The following PHF24 variants were observed in gnomAD, a reference collection of about 807,000 sequenced individuals.
PHF24 encodes PHD finger protein 24, also known as Galpha inhibitory interacting protein.
A neutral mutation model predicts 42.6 loss-of-function variants in PHF24; 25 were observed. The observed-to-expected ratio is 0.59, with a 90% CI of 0.43 to 0.82. PHF24 has a LOEUF of 0.82. Among genes scored for constraint, PHF24 ranks in the 40% least tolerant of loss-of-function variants. The pLI, the probability that PHF24 is intolerant of heterozygous loss-of-function variation, is 0.00. For missense variants in PHF24, 470 were observed against 538.1 expected, an observed-to-expected ratio of 0.87 and a Z score of 1.25; for synonymous variants, 185 against 204.8, an observed-to-expected ratio of 0.90 and a Z score of 0.83.
At chr9:34,892,062 A>C in the PHF24 span, among the ~76,000 whole-genome samples, 1 of 152,210 alleles carries the variant, frequency 6.6e-6, no homozygotes, top group Admixed American at 6.5e-5. Context: ...AAGTCAGACC[A>C]GGGATCTCTA....
upstream of PHF24, among the ~76,000 whole-genome samples, chr9:34,953,748 C>G (rs1352801668): frequency 2.0e-5 from 3 of 151,992 alleles, no homozygotes; most frequent in Non-Finnish European, 4.4e-5. The surrounding 1 kb of genome is among the most constrained non-coding windows in gnomAD (Gnocchi z 4.1). Context: ...AGTTTGAGAT[C>G]AGCCTGGGCA....
At chr9:34,848,570 T>G in the PHF24 span, among the ~76,000 whole-genome samples, 1 of 152,072 alleles carries the variant, frequency 6.6e-6, no homozygotes, top group African/African-American at 2.4e-5. Context: ...TTCATTAATT[T>G]TTTGAAGGGT....
At chr9:34,865,804 T>G in the PHF24 span, among the ~76,000 whole-genome samples, 1 of 152,248 alleles carries the variant, frequency 6.6e-6, no homozygotes, top group Non-Finnish European at 1.5e-5. Flanking sequence ...GTTGGCAAGA[T>G]TCATTTCCTC....
chr9:34,746,684 C>T, the PHF24 span, among the ~76,000 whole-genome samples: 1 of 152,192 alleles, frequency 6.6e-6, no homozygotes, highest in African/African-American at 2.4e-5. Context: ...AACTGTGAGT[C>T]AGTCTCCTTT....
the PHF24 span, among the ~76,000 whole-genome samples, chr9:34,848,744 A>G: frequency 1.3e-5 from 2 of 151,840 alleles, no homozygotes; most frequent in East Asian, 1.9e-4. Flanking sequence ...ATTTAGTGCT[A>G]TAAATTTCCC....
the PHF24 span, among the ~76,000 whole-genome samples, chr9:34,867,439 C>G: frequency 0.75 from 113,522 of 152,032 alleles, 42,665 homozygotes; most frequent in East Asian, 0.87. Flanking sequence ...TAGACCCCTT[C>G]AGGGTCTACA....
the PHF24 span, chr9:34,724,796 G>C: frequency 7.7e-6 from 12 of 1,551,440 alleles, no homozygotes; most frequent in South Asian, 1.4e-4. Flanking sequence ...CACGGGACTA[G>C]GCTCCATCTC....
chr9:34,665,981 GA>G, the PHF24 span: 4 of 446,378 alleles, frequency 9.0e-6, no homozygotes, highest in African/African-American at 2.0e-5. Flanking sequence ...GGGTCACCTG[GA>G]GGGGGGGCTG....
the PHF24 span, among the ~76,000 whole-genome samples, chr9:34,684,528 G>T: frequency 1.3e-4 from 20 of 152,172 alleles, no homozygotes. Context: ...ATGGTGGCTT[G>T]ATAGTAATGG....
chr9:34,732,434 C>G, the PHF24 span, among the ~76,000 whole-genome samples: 1 of 152,044 alleles, frequency 6.6e-6, no homozygotes, highest in Non-Finnish European at 1.5e-5. Context: ...GACAAAAGAT[C>G]TTTTGTCCAT....
chr9:34,976,204 C>T lies in PHF24; in HGVS notation c.617C>T (p.Thr206Ile), dbSNP rs756021303. 3.7e-6 allele frequency: 6 copies of T among 1,613,978 alleles called. No homozygotes were observed. The African/African-American group carries it at 8.0e-5, about 22-fold the overall frequency. Residue 206 changes from threonine to isoleucine, a missense_variant, in exon 4 of 8, where the codon ACC (threonine) becomes ATC (isoleucine). Coordinates refer to ENST00000242315, the Ensembl canonical transcript of PHF24. Reference sequence around the variant, plus strand: ...GAGGAAATGTATAGCCTCACGGAGACCTTTCAGCGGTGTAAAGTCATCCCT... The same window carrying T: ...GAGGAAATGTATAGCCTCACGGAGATCTTTCAGCGGTGTAAAGTCATCCCT...
the PHF24 span, chr9:34,918,386 G>A: frequency 9.3e-6 from 6 of 647,548 alleles, no homozygotes; most frequent in African/African-American, 7.4e-5. Context: ...ATTGTAACTC[G>A]AAGGGTGAAT....
chr9:34,886,701 A>C, the PHF24 span, among the ~76,000 whole-genome samples: 1 of 146,960 alleles, frequency 6.8e-6, no homozygotes, highest in Non-Finnish European at 1.5e-5. Flanking sequence ...ATTTACACTC[A>C]CTCCCTTCGT....
the PHF24 span, among the ~76,000 whole-genome samples, chr9:34,864,127 G>T: frequency 1.3e-5 from 2 of 152,096 alleles, no homozygotes; most frequent in Non-Finnish European, 1.5e-5. Context: ...AGAATAAAAA[G>T]CAATAAAGCA....
exon 8 of PHF24, chr9:34,978,226 TCTTAA>T (rs766977246): frequency 9.4e-5 from 69 of 733,408 alleles, no homozygotes; most frequent in Middle Eastern, 4.8e-4. Flanking sequence ...ACTGCCAGCG[TCTTAA>T]CTTGTCACTA....
chr9:34,887,559 T>A, the PHF24 span, among the ~76,000 whole-genome samples: 2 of 152,200 alleles, frequency 1.3e-5, no homozygotes, highest in Non-Finnish European at 2.9e-5. Context: ...CTGCATTAGC[T>A]GTAATTTCTG....
exon 8 of PHF24, chr9:34,981,293 G>T (rs1827382442): frequency 6.6e-6 from 1 of 152,182 alleles, no homozygotes; most frequent in South Asian, 2.1e-4. Flanking sequence ...CAAGTCTTAG[G>T]GTCCCCTTAT....
At chr9:34,908,638 C>T in the PHF24 span, among the ~76,000 whole-genome samples, 1 of 152,002 alleles carries the variant, frequency 6.6e-6, no homozygotes, top group East Asian at 1.9e-4. Flanking sequence ...GAACAGGAAA[C>T]ATCTATAGGG....
chr9:34,900,314 G>A, the PHF24 span, among the ~76,000 whole-genome samples: 2 of 152,160 alleles, frequency 1.3e-5, no homozygotes, highest in Non-Finnish European at 2.9e-5. Context: ...CAATTAATGT[G>A]AAGGCCAAGC....
Sources: allele counts gnomAD v4.1 joint callset (sites outside exome capture counted in the v4.1 genomes callset), GRCh38; gene constraint gnomAD v4.1.1; non-coding constraint Gnocchi (gnomAD v3.1); transcripts MANE v1.5; gene names NCBI Gene and HGNC (gene_info 2026-07-23, HGNC 2026-07-21).